NUMA1: variants seen among roughly 807,000 people sequenced by gnomAD.
NUMA1 encodes SP-H antigen.
Under a neutral mutation model 237.1 loss-of-function variants are expected in NUMA1, and 62 were observed. That is an observed-to-expected ratio of 0.26 (90% confidence interval 0.21 to 0.32). NUMA1 has a LOEUF of 0.32. Among genes scored for constraint, NUMA1 ranks in the 10% least tolerant of loss-of-function variants. The pLI is 1.00. For synonymous variants in NUMA1, 1,028 were observed against 1,066.1 expected, an observed-to-expected ratio of 0.96 and a Z score of 0.70; for missense variants, 2,533 against 2,666.5, an observed-to-expected ratio of 0.95 and a Z score of 1.10.
chr11:72,014,235 G>A lies in NUMA1; in HGVS notation c.3268C>T (p.Leu1090=), dbSNP rs200298289. The A allele has an allele frequency of 3.3e-5, 54 of 1,613,886 alleles. No individual in the cohort carries two copies. The highest frequency in any genetic ancestry group is 3.3e-4 in the Middle Eastern group (2 of 6,084). ...TCTTTCTTAGCCAGCTGTTCCTTCA[G>A]TTGCTTCACGGTTTGCCGAAGTTCC... ...LEELRQTVKQ[L]KEQLAKKEKE... is the part of the protein sequence containing the mutation. Residue 1090 remains leucine (L), a synonymous_variant, in exon 15 of 27, where the codon CTG becomes TTG. Transcript: ENST00000393695. This position sits in a 1 kb window ranked among gnomAD's most constrained non-coding sequence, Gnocchi z 4.6.
At chr11:72,004,605 G>A (rs1339049123) in intron 24 of NUMA1, 35 bp downstream of exon 24, 2 of 1,602,306 alleles carry the variant, frequency 1.2e-6, no homozygotes, top group Non-Finnish European at 1.7e-6. Flanking sequence ...CCTGAGCACA[G>A]TGCTGGAGTA....
chr11:72,054,153 G>C (rs1942510514), intron 2 of NUMA1, among the ~76,000 whole-genome samples: 1 of 152,076 alleles, frequency 6.6e-6, no homozygotes, highest in African/African-American at 2.4e-5. Flanking sequence ...ATGAACATGT[G>C]TGCCAAAAAG....
Position 72,003,422 on chromosome 11 carries a change from G to T in NUMA1, c.*105C>A. 2 of 1,148,078 alleles carry T rather than the reference G, an allele frequency of 1.7e-6. No homozygotes were observed. The highest frequency in any genetic ancestry group is 1.2e-5 in the South Asian group (1 of 81,286). The allele number at this position is 1,148,078 out of a possible 1,614,324, so 71.1% of individuals were successfully genotyped here. On this transcript the variant is annotated 3_prime_UTR_variant, in exon 27 of 27. Transcript: ENST00000393695. ...CACTGTCTCTAGGGGTTTGGCTACT[G>T]TTGGCCTGGGAGCTGAGAGAAGGCA...
intron 17 of NUMA1, 29 bp from the exon 18 acceptor site, chr11:72,009,416 G>A: frequency 6.3e-7 from 1 of 1,577,610 alleles, no homozygotes; most frequent in Non-Finnish European, 8.6e-7. Flanking sequence ...CAGGAAAGCT[G>A]GTCTGGCCGC....
rs187653530 is a variant in NUMA1 at position 72,035,249 on chromosome 11, T to G, written c.42+653A>C. Among the ~76,000 whole-genome samples, 3 of 152,288 alleles carry G rather than the reference T, an allele frequency of 2.0e-5. No homozygotes were observed. In the East Asian group the frequency reaches 5.8e-4, roughly 29 times the overall value. The stretch of plus-strand genomic sequence containing the variant: ...TATGAATGATCTAGCAAAAGAATTT[T>G]GATGAAGTAATCGGCAAGGCAACAT... On this transcript the variant is annotated intron_variant, in intron 3 of 26. Coordinates refer to ENST00000393695, the MANE Select transcript of NUMA1 (RefSeq NM_006185.4).
intron 3 of NUMA1, among the ~76,000 whole-genome samples, chr11:72,035,519 G>A (rs916009529): frequency 1.3e-4 from 20 of 150,610 alleles, no homozygotes; most frequent in South Asian, 2.1e-4. Context: ...GTGATTCTCC[G>A]GCCTCAGCCT....
In NUMA1 at chr11:72,016,474, T is replaced by G. The variant is rs1286526429; in HGVS notation, c.1176A>C (p.Glu392Asp). ...GGTTATCCTGCAGCTGGGACAAGTGTTCTTCCAGCTGTGAAAGTTTTCCCT... is the reference window on the plus strand; with the variant it reads ...GGTTATCCTGCAGCTGGGACAAGTGGTCTTCCAGCTGTGAAAGTTTTCCCT... ...ILQGKLSQLE[E>D]HLSQLQDNPP... Residue 392 changes from glutamate (E) to aspartate (D), a missense_variant, in exon 14 of 27, where the codon GAA (glutamate) becomes GAC (aspartate). This residue lies in a region of NUMA1 where 1,414 missense variants were observed against 1,508.1 expected (regional missense o/e 0.94). Coordinates refer to ENST00000393695, the MANE Select transcript of NUMA1 (RefSeq NM_006185.4). The G allele has an allele frequency of 1.2e-6, 2 of 1,614,130 alleles. No homozygotes were observed. Among genetic ancestry groups the G allele is most frequent in the Non-Finnish European group, 1.7e-6 (2 of 1,180,038 alleles).
rs368704054 is a variant in NUMA1, at chr11:72,040,884, C to G, written c.-32-4909G>C. ...AGGTGAGGGGGGAGAATCCACCCCACCCCCTCGTCCATGTTTGAACAAAAA... is the reference window on the plus strand; with the variant it reads ...AGGTGAGGGGGGAGAATCCACCCCAGCCCCTCGTCCATGTTTGAACAAAAA... On this transcript the variant is annotated intron_variant, in intron 2 of 26. Coordinates refer to ENST00000393695, the MANE Select transcript of NUMA1 (RefSeq NM_006185.4). The G allele has an allele frequency of 2.6e-5, 4 of 152,100 alleles. No homozygotes were observed. The East Asian group carries it at 7.8e-4, about 30-fold the overall frequency. The allele number at this position is 152,100 out of a possible 1,614,324, so 9.4% of individuals were successfully genotyped here.
At chr11:72,005,445 C>G in intron 22 of NUMA1, 76 bp from the exon 23 acceptor site, 3 of 1,428,162 alleles carry the variant, frequency 2.1e-6, no homozygotes, top group South Asian at 2.4e-5. Context: ...ATCTTGCCAG[C>G]CTTTGCTGCC....
Position 72,013,834 on chromosome 11 carries a change from T to C in NUMA1, c.3669A>G (p.Lys1223=), listed in dbSNP as rs2134955256. 6.2e-7 allele frequency: 1 copy of C among 1,612,648 alleles called. No homozygotes were observed. The highest frequency in any genetic ancestry group is 1.1e-5 in the South Asian group (1 of 91,092). ...CCTCCAAGCTGCTGATGAGGCTATT[T>C]TTCCTCTCAGCCTCTTGCCGGCCCC... The part of the protein sequence containing the change: ...VARGRQEAER[K]NSLISSLEEE... Residue 1223 remains lysine (K), a synonymous_variant, in exon 15 of 27, where the codon AAA becomes AAG. Transcript: ENST00000393695. This position sits in a 1 kb window ranked among gnomAD's most constrained non-coding sequence, Gnocchi z 6.8.
In NUMA1 at chr11:72,018,122, G is replaced by A. The variant is rs185422042; in HGVS notation, c.978+61C>T. On this transcript the variant is annotated intron_variant, in intron 12 of 26. Transcript: ENST00000393695. ...ACATTCTTCTCAACCCTCTCTTGGGGAGCCTTCCAGACCACCTCAGCCCTG... is the reference window on the plus strand; with the variant it reads ...ACATTCTTCTCAACCCTCTCTTGGGAAGCCTTCCAGACCACCTCAGCCCTG... 1.6e-3 allele frequency: 1,998 copies of A among 1,212,388 alleles called. 10 individuals are homozygous for A. The highest frequency in any genetic ancestry group is 0.016 in the Middle Eastern group (84 of 5,308). The allele number at this position is 1,212,388 out of a possible 1,614,324, so 75.1% of individuals were successfully genotyped here. A position where few individuals can be genotyped will look rare whatever the true frequency, so the allele number is the denominator to read the frequency against.
At position 72,024,566 on chromosome 11, in the gene NUMA1, G is replaced by A. The variant is rs1356210554; in HGVS notation, c.129-213C>T. On this transcript the variant is annotated intron_variant, in intron 4 of 26. Coordinates refer to ENST00000393695, the MANE Select transcript of NUMA1 (RefSeq NM_006185.4). ...GGTGGGAAGAGGGGACTTGAGGCAT[G>A]GGGTTCTTCTGGAAAAGATGGCACT... 4 of 557,030 alleles carry A rather than the reference G, an allele frequency of 7.2e-6. No individual in the cohort carries two copies. In the East Asian group the frequency reaches 1.2e-4, roughly 17 times the overall value. 34.5% of individuals were successfully genotyped at this position (557,030 alleles called of 1,614,324 possible). A position where few individuals can be genotyped will look rare whatever the true frequency, so the allele number is the denominator to read the frequency against.
In NUMA1 at chr11:72,078,747, C is replaced by T. The variant is rs1440792034; in HGVS notation, c.-103+1711G>A. 2.6e-5 allele frequency among the ~76,000 whole-genome samples: 4 copies of T among 152,328 alleles called. No homozygotes were observed. The East Asian group carries it at 7.7e-4, about 29-fold the overall frequency. On this transcript the variant is annotated intron_variant, in intron 1 of 26. Coordinates refer to ENST00000393695, the MANE Select transcript of NUMA1 (RefSeq NM_006185.4). ...TTTCACAAAAAAGTATGTGGTTCTT[C>T]CTCTAAAGAAGAAAATACCACACAG... is the stretch of plus-strand genomic sequence containing the variant.
chr11:72,011,620 T>C (rs1325381954), intron 16 of NUMA1, among the ~76,000 whole-genome samples: 1 of 152,168 alleles, frequency 6.6e-6, no homozygotes, highest in African/African-American at 2.4e-5. Flanking sequence ...CACAGGCTCC[T>C]TAGAGGAGGG....
rs1306361495 is a variant in NUMA1 at position 72,015,722 on chromosome 11, G to A, written c.1781C>T (p.Ala594Val). The change falls in exon 15 of 27, where the codon GCC becomes GTC. Residue 594 changes from alanine (A) to valine (V), a missense_variant. Ala to Val is a moderately conservative substitution (Grantham distance 64). Transcript: ENST00000393695. The surrounding 1 kb of genome is among the most constrained non-coding windows in gnomAD (Gnocchi z 4.0). ...QLATAAEERE[A>V]SLRERDAALK... is the part of the protein sequence containing the mutation. ...AGCCGCATCCCGCTCCCTTAAGGAG[G>A]CCTCTCGCTCCTCTGCAGCAGTGGC... The A allele has an allele frequency of 1.9e-6, 3 of 1,614,144 alleles. No individual in the cohort carries two copies. The highest frequency in any genetic ancestry group is 2.5e-6 in the Non-Finnish European group (3 of 1,180,040).
Position 72,009,119 on chromosome 11 carries a change from G to A in NUMA1, c.4906C>T (p.Arg1636Trp), listed in dbSNP as rs146623915. Reference sequence around the variant, plus strand: ...TCCTTCTGCAGCTGCTCCAGGCTCCGCAGCTGCTCCTGCAGCTCTTGGTTC... The same window carrying A: ...TCCTTCTGCAGCTGCTCCAGGCTCCACAGCTGCTCCTGCAGCTCTTGGTTC... ...QQNQELQEQL[R>W]SLEQLQKENK... The change falls in exon 19 of 27, where the codon CGG (arginine) becomes TGG (tryptophan). Residue 1636 changes from arginine to tryptophan, a missense_variant. By Grantham distance (101) the Arg-to-Trp change is moderately radical. Transcript: ENST00000393695. 7.2e-5 allele frequency: 116 copies of A among 1,610,394 alleles called. No individual in the cohort carries two copies. The African/African-American group carries it at 1.3e-3, about 18-fold the overall frequency.
chr11:72,023,250 G>A (rs1040647512), intron 5 of NUMA1, 103 bp from the exon 6 acceptor site: 8 of 840,474 alleles, frequency 9.5e-6, no homozygotes, highest in African/African-American at 5.0e-5. Context: ...TCTCTGGTGG[G>A]GCTATGAGAT....
chr11:72,046,747 CTCAAGAGT>C (rs1942023435), intron 2 of NUMA1, among the ~76,000 whole-genome samples: 1 of 151,836 alleles, frequency 6.6e-6, no homozygotes, highest in Admixed American at 6.6e-5. Context: ...ATTGTTTGAG[CTCAAGAGT>C]TCAAGACCAA....
chr11:72,017,657 ACTGTGG>A, intron 13 of NUMA1, 24 bp downstream of exon 13: 2 of 1,611,402 alleles, frequency 1.2e-6, no homozygotes, highest in Non-Finnish European at 1.7e-6. Flanking sequence ...TGTGGTCAAG[ACTGTGG>A]CTGTGACCCC....
Sources: allele counts gnomAD v4.1 joint callset (sites outside exome capture counted in the v4.1 genomes callset), GRCh38; gene constraint gnomAD v4.1.1; regional missense constraint gnomAD v4.1.1; non-coding constraint Gnocchi (gnomAD v3.1); transcripts MANE v1.5; gene names NCBI Gene and HGNC (gene_info 2026-07-23, HGNC 2026-07-21).